Variants in BCR observed in about 807,000 individuals in gnomAD.
BCR encodes breakpoint cluster region protein.
A neutral mutation model predicts 138.6 loss-of-function variants in BCR; 58 were observed. The ratio of observed to expected loss-of-function variants is 0.42; its 90% CI spans 0.34 to 0.52. The LOEUF (loss-of-function observed/expected upper bound fraction) is 0.52. Among genes scored for constraint, BCR ranks in the 20% least tolerant of loss-of-function variants. BCR has a pLI of 0.06. For synonymous variants in BCR, 786 were observed against 730.1 expected (o/e 1.08, Z -1.23); for missense variants, 1,599 against 1,727.2 (o/e 0.93, Z 1.32).
chr22:23,254,966 T>G (rs1020545938), intron 2 of BCR, among the ~76,000 whole-genome samples: 2 of 152,108 alleles, frequency 1.3e-5, no homozygotes, highest in East Asian at 3.9e-4. Flanking sequence ...AGCTCGAGAC[T>G]GCAGTGAGCT....
intron 1 of BCR, among the ~76,000 whole-genome samples, chr22:23,202,428 T>C (rs2072563395): frequency 6.6e-6 from 1 of 152,172 alleles, no homozygotes; most frequent in South Asian, 2.1e-4. Context: ...ATTCCTGTCA[T>C]GCACCCATCA....
At chr22:23,312,527 A>G (rs1006719428) in intron 19 of BCR, 11 of 216,884 alleles carry the variant, frequency 5.1e-5, no homozygotes, top group South Asian at 9.5e-5. Flanking sequence ...ACTGAAACCA[A>G]TCAGATTCTC....
At chr22:23,230,201 G>C (rs1328532701) in intron 1 of BCR, among the ~76,000 whole-genome samples, 1 of 152,132 alleles carries the variant, frequency 6.6e-6, no homozygotes, top group Non-Finnish European at 1.5e-5. Context: ...CAGTCCTCCT[G>C]CCCTTATCTA....
At chr22:23,197,073 C>A (rs2072493373) in intron 1 of BCR, among the ~76,000 whole-genome samples, 2 of 152,238 alleles carry the variant, frequency 1.3e-5, no homozygotes, top group Non-Finnish European at 2.9e-5. Context: ...TACAGTCATG[C>A]ACCACATAAC....
At chr22:23,271,622 G>A (rs771741542) in intron 6 of BCR, 30 bp downstream of exon 6, 275 of 1,608,274 alleles carry the variant, frequency 1.7e-4, no homozygotes, top group Non-Finnish European at 2.2e-4. Context: ...GTCTCTGTGT[G>A]CCCTCGTCAG....
At chr22:23,248,718 C>G (rs1359851667) in intron 1 of BCR, among the ~76,000 whole-genome samples, 1 of 152,172 alleles carries the variant, frequency 6.6e-6, no homozygotes, top group Non-Finnish European at 1.5e-5. Flanking sequence ...AGCCCCACTC[C>G]TAGTCTGGTT....
intron 1 of BCR, among the ~76,000 whole-genome samples, chr22:23,217,447 G>A (rs1343074032): frequency 1.3e-5 from 2 of 152,222 alleles, no homozygotes; most frequent in Non-Finnish European, 2.9e-5. Flanking sequence ...CCTTGATGGA[G>A]TGGATAGGCC....
chr22:23,236,931 G>A (rs893779276), intron 1 of BCR, among the ~76,000 whole-genome samples: 4 of 151,948 alleles, frequency 2.6e-5, no homozygotes, highest in Non-Finnish European at 5.9e-5. Flanking sequence ...AGCTGTGGAG[G>A]CAAGAGTGTT....
At chr22:23,264,127 A>G (rs1270359825) in intron 4 of BCR, 2 of 1,521,502 alleles carry the variant, frequency 1.3e-6, no homozygotes, top group South Asian at 1.1e-5. Flanking sequence ...GAGGAGCCCC[A>G]CAACAGCACC....
At chr22:23,225,780 A>G (rs2072884312) in intron 1 of BCR, among the ~76,000 whole-genome samples, 2 of 152,212 alleles carry the variant, frequency 1.3e-5, no homozygotes, top group Non-Finnish European at 2.9e-5. Context: ...CAGTCATCCA[A>G]GACTCCTCCC....
chr22:23,181,083 CAT>C lies in BCR; in HGVS notation c.124_125del (p.Ile42SerfsTer29). 1 of 1,516,870 alleles carries C rather than the reference CAT, an allele frequency of 6.6e-7. No homozygotes were observed. The highest frequency in any genetic ancestry group is 8.9e-7 in the Non-Finnish European group (1 of 1,126,578). 94.0% of individuals were successfully genotyped at this position (1,516,870 alleles called of 1,614,324 possible). On this transcript the variant is annotated frameshift_variant, in exon 1 of 23. Transcript: ENST00000305877. LOFTEE classifies it high-confidence loss of function. ...EQELERCKAS[I>X]RRLEQEVNQE... ...AGGAGCTGGAGCGCTGCAAGGCCTC[CAT>C]TCGGCGCCTGGAGCAGGAGGTGAAC...
intron 8 of BCR, among the ~76,000 whole-genome samples, chr22:23,276,664 A>T (rs1192297647): frequency 6.6e-6 from 1 of 152,216 alleles, no homozygotes; most frequent in Non-Finnish European, 1.5e-5. Flanking sequence ...AGGATGATAG[A>T]TGCCTGTGCT....
intron 1 of BCR, among the ~76,000 whole-genome samples, chr22:23,240,794 C>T (rs1252774127): frequency 6.6e-6 from 1 of 152,154 alleles, no homozygotes; most frequent in Non-Finnish European, 1.5e-5. Flanking sequence ...AGAACTTTTT[C>T]ATATTCTCCA....
intron 1 of BCR, among the ~76,000 whole-genome samples, chr22:23,245,390 A>G (rs1488086454): frequency 5.9e-5 from 9 of 151,932 alleles, no homozygotes; most frequent in Non-Finnish European, 1.3e-4. Context: ...GCGGCTTTCC[A>G]TTCTTGGGTG....
At position 23,314,512 on chromosome 22, in the gene BCR, G is replaced by A. The variant is rs543983194; in HGVS notation, c.3564-40G>A. The A allele has an allele frequency of 4.3e-6, 7 of 1,609,842 alleles. No homozygotes were observed. The Admixed American group carries it at 6.7e-5, about 15-fold the overall frequency. On this transcript the variant is annotated intron_variant, in intron 21 of 22. Transcript: ENST00000305877. ...CAGCCCCTCTGCCTCTCTCCTGGGGGTGGCGTTGAAACAGCACCCGCTGCT... is the reference window on the plus strand; with the variant it reads ...CAGCCCCTCTGCCTCTCTCCTGGGGATGGCGTTGAAACAGCACCCGCTGCT...
At position 23,181,242 on chromosome 22, in the gene BCR, G is replaced by A; in HGVS notation, c.282G>A (p.Ala94=). 8.1e-7 allele frequency: 1 copy of A among 1,236,214 alleles called. No individual in the cohort carries two copies. The highest frequency in any genetic ancestry group is 1.0e-6 in the Non-Finnish European group (1 of 981,630). The allele number at this position is 1,236,214 out of a possible 1,614,324, so 76.6% of individuals were successfully genotyped here. A position where few individuals can be genotyped will look rare whatever the true frequency, so the allele number is the denominator to read the frequency against. ...PDGASEPRAS[A]SRPQPAPADG... is the part of the protein sequence containing the mutation. ...GCGCCTCCGAGCCCCGAGCGTCCGC[G>A]TCGCGCCCGCAGCCAGCGCCCGCCG... The change falls in exon 1 of 23, where the codon GCG becomes GCA. Residue 94 remains alanine (A), a synonymous_variant. Transcript: ENST00000305877.
chr22:23,235,481 A>G (rs1316203882), intron 1 of BCR, among the ~76,000 whole-genome samples: 1 of 144,630 alleles, frequency 6.9e-6, no homozygotes, highest in Admixed American at 7.0e-5. Flanking sequence ...CCTGATTAAG[A>G]GAAAGATGTA....
In BCR at chr22:23,180,904, C is replaced by G; in HGVS notation, c.-57C>G. ...GGGCCGGGCTGGCGAGGCGCCGCGCCGCCGCTGAGACGGGCCCCGCGCGCA... is the reference window on the plus strand; with the variant it reads ...GGGCCGGGCTGGCGAGGCGCCGCGCGGCCGCTGAGACGGGCCCCGCGCGCA... On this transcript the variant is annotated 5_prime_UTR_variant, in exon 1 of 23. Transcript: ENST00000305877. The G allele has an allele frequency of 9.8e-7, 1 of 1,019,044 alleles. No homozygotes were observed. Among genetic ancestry groups the G allele is most frequent in the Non-Finnish European group, 1.2e-6 (1 of 851,002 alleles). 63.1% of individuals were successfully genotyped at this position (1,019,044 alleles called of 1,614,324 possible).
intron 1 of BCR, among the ~76,000 whole-genome samples, chr22:23,246,294 A>C (rs1017409554): frequency 9.2e-5 from 14 of 152,194 alleles, no homozygotes; most frequent in African/African-American, 3.4e-4. Context: ...TTAGCTGGAC[A>C]TAATGGCACA....
Sources: gnomAD v4.1 joint callset for allele counts (sites outside exome capture counted in the v4.1 genomes callset) on GRCh38, gnomAD v4.1.1 for gene constraint, MANE v1.5 for transcripts, NCBI Gene and HGNC (gene_info 2026-07-23, HGNC 2026-07-21) for gene names.